OSBPL1A: variants seen among roughly 807,000 people sequenced by gnomAD.
OSBPL1A encodes oxysterol binding protein like 1A.
Under a neutral mutation model 137.1 loss-of-function variants are expected in OSBPL1A, and 80 were observed. That is an observed-to-expected ratio of 0.58 (90% CI 0.49 to 0.70). The LOEUF (loss-of-function observed/expected upper bound fraction) is 0.70, where lower values mean the gene tolerates loss of function less well. Among genes scored for constraint, OSBPL1A ranks in the 30% least tolerant of loss-of-function variants. The pLI, the probability that OSBPL1A is intolerant of heterozygous loss-of-function variation, is 0.00. For missense variants in OSBPL1A, 970 were observed against 1,129.4 expected, an observed-to-expected ratio of 0.86 and a Z score of 2.02; for synonymous variants, 365 against 389.7, an observed-to-expected ratio of 0.94 and a Z score of 0.75.
chr18:24,383,538 A>G (rs1906755316), intron 1 of OSBPL1A, among the ~76,000 whole-genome samples: 3 of 152,234 alleles, frequency 2.0e-5, no homozygotes, highest in African/African-American at 7.2e-5. Context: ...CAGGCGGATC[A>G]CAAGGTCAAA....
At chr18:24,334,401 G>GTGATCA in intron 5 of OSBPL1A, 71 bp from the exon 6 acceptor site, 2 of 1,290,214 alleles carry the variant, frequency 1.6e-6, no homozygotes, top group South Asian at 2.9e-5. Flanking sequence ...AAAGAATAAA[G>GTGATCA]TGATCATGAT....
chr18:24,336,176 C>G (rs1337527816), intron 5 of OSBPL1A, among the ~76,000 whole-genome samples: 1 of 152,206 alleles, frequency 6.6e-6, no homozygotes, highest in East Asian at 1.9e-4. Context: ...GTAACCAAAG[C>G]ATTTATGACA....
intron 17 of OSBPL1A, among the ~76,000 whole-genome samples, chr18:24,222,626 G>A (rs1252871230): frequency 6.6e-6 from 1 of 152,054 alleles, no homozygotes; most frequent in Non-Finnish European, 1.5e-5. Flanking sequence ...AGAAATGAAG[G>A]TGGTGAGATT....
At chr18:24,272,232 G>A (rs1222420542) in intron 15 of OSBPL1A, 1 of 981,336 alleles carries the variant, frequency 1.0e-6, no homozygotes, top group Non-Finnish European at 1.2e-6. Context: ...ACCGGCCCTG[G>A]CAACTTTTTT....
intron 1 of OSBPL1A, among the ~76,000 whole-genome samples, chr18:24,395,086 A>C (rs1195122025): frequency 6.6e-6 from 1 of 152,352 alleles, no homozygotes; most frequent in Non-Finnish European, 1.5e-5. Context: ...AGATTACCTG[A>C]CAGTGTCTTT....
intron 1 of OSBPL1A, among the ~76,000 whole-genome samples, chr18:24,386,284 C>CTT (rs35671978): frequency 6.6e-6 from 1 of 152,142 alleles, no homozygotes; most frequent in African/African-American, 2.4e-5. Flanking sequence ...CTCACGTTGC[C>CTT]TTGTGCCTAA....
intron 15 of OSBPL1A, among the ~76,000 whole-genome samples, chr18:24,247,970 G>A (rs1247162109): frequency 6.6e-6 from 1 of 152,086 alleles, no homozygotes; most frequent in East Asian, 1.9e-4. Flanking sequence ...AACTGAGATG[G>A]GATTATGTTT....
At chr18:24,277,436 T>C (rs1430307113) in intron 15 of OSBPL1A, among the ~76,000 whole-genome samples, 2 of 152,224 alleles carry the variant, frequency 1.3e-5, no homozygotes, top group Non-Finnish European at 2.9e-5. Context: ...TTACATCTAC[T>C]GGATCCCTGT....
At chr18:24,294,745 T>G (rs2090258584) in intron 14 of OSBPL1A, among the ~76,000 whole-genome samples, 1 of 152,234 alleles carries the variant, frequency 6.6e-6, no homozygotes, top group South Asian at 2.1e-4. Flanking sequence ...AAGACATTAT[T>G]TCATTCCTTT....
intron 7 of OSBPL1A, among the ~76,000 whole-genome samples, chr18:24,330,587 C>T (rs1338210232): frequency 4.6e-5 from 7 of 151,182 alleles, no homozygotes; most frequent in Admixed American, 2.0e-4. Context: ...CAGGTTCAAG[C>T]GATTCTCCTG....
At chr18:24,236,080 G>A (rs2088463099) in intron 16 of OSBPL1A, among the ~76,000 whole-genome samples, 1 of 152,140 alleles carries the variant, frequency 6.6e-6, no homozygotes, top group Non-Finnish European at 1.5e-5. Context: ...AAGAAACACA[G>A]CCCTGTGGAC....
intron 13 of OSBPL1A, among the ~76,000 whole-genome samples, chr18:24,309,126 A>G (rs1382489654): frequency 6.6e-6 from 1 of 152,178 alleles, no homozygotes; most frequent in African/African-American, 2.4e-5. Context: ...CACATGTGTA[A>G]ATAGCCACAG....
intron 1 of OSBPL1A, among the ~76,000 whole-genome samples, chr18:24,379,096 A>G (rs1906400273): frequency 6.6e-6 from 1 of 150,476 alleles, no homozygotes; most frequent in Non-Finnish European, 1.5e-5. Flanking sequence ...GATGCTATTA[A>G]AAAAAAATAA....
intron 12 of OSBPL1A, among the ~76,000 whole-genome samples, chr18:24,312,704 T>C (rs2090640392): frequency 6.6e-6 from 1 of 152,196 alleles, no homozygotes; most frequent in Non-Finnish European, 1.5e-5. Context: ...TTATGAAATG[T>C]TGGGAGAGTC....
intron 18 of OSBPL1A, among the ~76,000 whole-genome samples, chr18:24,191,309 T>C (rs1324216177): frequency 1.3e-5 from 2 of 152,216 alleles, no homozygotes; most frequent in Non-Finnish European, 2.9e-5. Flanking sequence ...TTTTGGCATC[T>C]AGTGGAGAAG....
At chr18:24,322,106 CTTTTTTTTT>C (rs71266986) in intron 7 of OSBPL1A, among the ~76,000 whole-genome samples, 2 of 122,794 alleles carry the variant, frequency 1.6e-5, no homozygotes, top group Admixed American at 8.4e-5. Context: ...AAATATGTGA[CTTTTTTTTT>C]TTTTTTTTTT....
intron 15 of OSBPL1A, among the ~76,000 whole-genome samples, chr18:24,278,305 A>C (rs906555770): frequency 6.6e-6 from 1 of 152,216 alleles, no homozygotes; most frequent in Admixed American, 6.5e-5. Context: ...CTTCCTCCCA[A>C]AACAAAATAA....
At chr18:24,206,319 G>A (rs1269825564) in intron 17 of OSBPL1A, among the ~76,000 whole-genome samples, 1 of 152,206 alleles carries the variant, frequency 6.6e-6, no homozygotes, top group Non-Finnish European at 1.5e-5. Flanking sequence ...TTAGGAGGCT[G>A]CAGAATGCTA....
intron 1 of OSBPL1A, among the ~76,000 whole-genome samples, chr18:24,394,312 G>A (rs973450851): frequency 2.6e-5 from 4 of 151,900 alleles, no homozygotes; most frequent in Non-Finnish European, 4.4e-5. Context: ...ACCCATATTC[G>A]GTTGGAAATT....
Sources: gnomAD v4.1 joint callset for allele counts (sites outside exome capture counted in the v4.1 genomes callset) on GRCh38, gnomAD v4.1.1 for gene constraint, MANE v1.5 for transcripts, NCBI Gene and HGNC (gene_info 2026-07-23, HGNC 2026-07-21) for gene names.